Variants in ZEB1 observed in about 807,000 individuals in gnomAD.
ZEB1 encodes zinc finger E-box binding homeobox 1, also known as zinc finger E-box-binding homeobox 1.
A neutral mutation model predicts 84.9 loss-of-function variants in ZEB1; 21 were observed. The ratio of observed to expected loss-of-function variants is 0.25; its 90% confidence interval spans 0.18 to 0.36. ZEB1 has a LOEUF of 0.36. Among genes scored for constraint, ZEB1 ranks in the 10% least tolerant of loss-of-function variants. ZEB1 has a pLI of 1.00. For missense variants in ZEB1, 1,104 were observed against 1,330.2 expected, an observed-to-expected ratio of 0.83 and a Z score of 2.65; for synonymous variants, 420 against 471.1, an observed-to-expected ratio of 0.89 and a Z score of 1.41.
chr10:31,468,927 T>C (rs1027456299), intron 2 of ZEB1, among the ~76,000 whole-genome samples: 1 of 152,150 alleles, frequency 6.6e-6, no homozygotes, highest in East Asian at 1.9e-4. Flanking sequence ...TGAATCTTAA[T>C]GAAAATGAAA....
intron 1 of ZEB1, among the ~76,000 whole-genome samples, chr10:31,446,342 G>C (rs1290806635): frequency 1.3e-5 from 2 of 151,904 alleles, no homozygotes; most frequent in South Asian, 2.1e-4. Context: ...TATCAATTTT[G>C]TTGATCCTTT....
intron 4 of ZEB1, among the ~76,000 whole-genome samples, chr10:31,505,294 T>A (rs138673048): frequency 2.1e-3 from 324 of 152,252 alleles, no homozygotes; most frequent in African/African-American, 7.6e-3. Context: ...AAGATAGTGA[T>A]GGACTTATAG....
intron 2 of ZEB1, among the ~76,000 whole-genome samples, chr10:31,483,106 A>G (rs2065269616): frequency 6.6e-6 from 1 of 152,036 alleles, no homozygotes; most frequent in Admixed American, 6.6e-5. Context: ...TTGAGAGAAT[A>G]TGCCTCTTCT....
At chr10:31,319,352 C>A in intron 1 of ZEB1, 60 bp downstream of exon 1, 1 of 1,544,322 alleles carries the variant, frequency 6.5e-7, no homozygotes, top group Non-Finnish European at 8.8e-7. Flanking sequence ...AGCCGGGGCG[C>A]CCCCGGGGGT....
At chr10:31,333,227 T>C (rs2037185438) in intron 1 of ZEB1, among the ~76,000 whole-genome samples, 1 of 152,154 alleles carries the variant, frequency 6.6e-6, no homozygotes, top group Admixed American at 6.5e-5. Flanking sequence ...CACTCCCATC[T>C]TGTTCATTTT....
chr10:31,400,725 A>G (rs1313678398), intron 1 of ZEB1, among the ~76,000 whole-genome samples: 1 of 152,156 alleles, frequency 6.6e-6, no homozygotes, highest in East Asian at 1.9e-4. Context: ...TCTGTGTCTT[A>G]TAAGTTTTCA....
At chr10:31,470,007 C>T (rs1165318380) in intron 2 of ZEB1, among the ~76,000 whole-genome samples, 1 of 152,086 alleles carries the variant, frequency 6.6e-6, no homozygotes, top group African/African-American at 2.4e-5. Context: ...AGGGTCCTGT[C>T]TGTTAGAAGG....
At chr10:31,460,945 C>A in intron 1 of ZEB1, 92 bp from the exon 2 acceptor site, 1 of 991,570 alleles carries the variant, frequency 1.0e-6, no homozygotes, top group Non-Finnish European at 1.6e-6. Context: ...GAATTACAAT[C>A]TGTTTTAAGC....
intron 2 of ZEB1, among the ~76,000 whole-genome samples, chr10:31,490,017 ACTTT>A (rs1240835581): frequency 6.6e-6 from 1 of 151,464 alleles, no homozygotes; most frequent in Non-Finnish European, 1.5e-5. Flanking sequence ...AACATGTTCC[ACTTT>A]CTTATGGAAT....
chr10:31,512,013 C>T (rs1252312542), intron 5 of ZEB1, among the ~76,000 whole-genome samples: 1 of 152,062 alleles, frequency 6.6e-6, no homozygotes, highest in Non-Finnish European at 1.5e-5. Context: ...GTGAGAGCTC[C>T]AAGAGAAGGA....
intron 4 of ZEB1, among the ~76,000 whole-genome samples, chr10:31,507,331 C>T (rs2069149858): frequency 6.6e-6 from 1 of 152,004 alleles, no homozygotes; most frequent in Non-Finnish European, 1.5e-5. Flanking sequence ...TGAATTGTAT[C>T]TATTTGGGGG....
At chr10:31,509,077 A>G (rs1047549008) in intron 4 of ZEB1, among the ~76,000 whole-genome samples, 9 of 152,080 alleles carry the variant, frequency 5.9e-5, no homozygotes, top group African/African-American at 2.2e-4. Context: ...AGCAGCCGCA[A>G]CCAGCATTAG....
At chr10:31,334,816 T>A (rs2037647523) in intron 1 of ZEB1, among the ~76,000 whole-genome samples, 1 of 151,908 alleles carries the variant, frequency 6.6e-6, no homozygotes, top group Non-Finnish European at 1.5e-5. Context: ...TAAAAAAAAA[T>A]GTAGCTCATG....
intron 2 of ZEB1, among the ~76,000 whole-genome samples, chr10:31,468,125 C>T (rs1042640589): frequency 1.3e-4 from 19 of 151,872 alleles, no homozygotes; most frequent in African/African-American, 4.1e-4. Flanking sequence ...CTGAGAACTG[C>T]CCCTACAGCC....
chr10:31,524,528 T>C (rs2073043520), intron 8 of ZEB1, among the ~76,000 whole-genome samples: 2 of 152,172 alleles, frequency 1.3e-5, no homozygotes, highest in Non-Finnish European at 2.9e-5. Flanking sequence ...TTTTCTTATT[T>C]TTTACTTATC....
chr10:31,359,948 A>G (rs1048376189), intron 1 of ZEB1, among the ~76,000 whole-genome samples: 8 of 152,334 alleles, frequency 5.3e-5, no homozygotes, highest in African/African-American at 1.7e-4. Flanking sequence ...TGTCCTTTCA[A>G]AAATAATTCT....
Position 31,521,404 on chromosome 10 carries a change from C to T in ZEB1, c.2072C>T (p.Pro691Leu), listed in dbSNP as rs768288824. ...PLKMTNSPVL[P>L]VGSTTNGSRS... ...AAGATGACTAACTCCCCAGTTTTACCAGTGGGATCAACCACCAATGGTTCC... is the reference window on the plus strand; with the variant it reads ...AAGATGACTAACTCCCCAGTTTTACTAGTGGGATCAACCACCAATGGTTCC... The change falls in exon 7 of 9, where the codon CCA becomes CTA. Residue 691 changes from proline (P) to leucine (L), a missense_variant. Physicochemically the swap from Pro to Leu is moderately conservative, Grantham distance 98. Around this residue, in one of 7 missense-constraint regions of ZEB1, gnomAD observed 531 missense variants for 575.2 expected, o/e 0.92. Transcript: ENST00000424869. 3.1e-6 allele frequency: 5 copies of T among 1,614,064 alleles called. No homozygotes were observed. Among genetic ancestry groups the T allele is most frequent in the Non-Finnish European group, 4.2e-6 (5 of 1,180,006 alleles).
At chr10:31,496,356 T>C (rs1370660717) in intron 3 of ZEB1, among the ~76,000 whole-genome samples, 1 of 152,054 alleles carries the variant, frequency 6.6e-6, no homozygotes, top group Non-Finnish European at 1.5e-5. Context: ...TTTCTGTGAT[T>C]GAAAAAGAGT....
At chr10:31,415,889 GTGTT>G (rs1182659516) in intron 1 of ZEB1, among the ~76,000 whole-genome samples, 1 of 152,008 alleles carries the variant, frequency 6.6e-6, no homozygotes, top group Non-Finnish European at 1.5e-5. Context: ...AATTTCTCCA[GTGTT>G]TTAAGAGCTG....
Sources: allele counts gnomAD v4.1 joint callset (sites outside exome capture counted in the v4.1 genomes callset), GRCh38; gene constraint gnomAD v4.1.1; regional missense constraint gnomAD v4.1.1; transcripts MANE v1.5; gene names NCBI Gene and HGNC (gene_info 2026-07-23, HGNC 2026-07-21).